TMEM132D: variants seen among roughly 807,000 people sequenced by gnomAD.
The protein encoded by TMEM132D is transmembrane protein 132D.
TMEM132D carries 21 observed loss-of-function variants against 62.3 expected under a neutral mutation model. The ratio of observed to expected loss-of-function variants is 0.34; its 90% CI spans 0.24 to 0.49. The LOEUF (loss-of-function observed/expected upper bound fraction) is 0.49. TMEM132D is among the 20% of genes least tolerant of loss of function. The pLI, the probability that TMEM132D is intolerant of heterozygous loss-of-function variation, is 0.99. For synonymous variants in TMEM132D, 621 were observed against 575.6 expected, an observed-to-expected ratio of 1.08 and a Z score of -1.13; for missense variants, 1,346 against 1,402.8, an observed-to-expected ratio of 0.96 and a Z score of 0.65.
intron 3 of TMEM132D, among the ~76,000 whole-genome samples, chr12:129,441,912 C>T (rs537192553): frequency 3.9e-5 from 6 of 152,114 alleles, no homozygotes; most frequent in Non-Finnish European, 7.4e-5. Context: ...TGCATGTTCT[C>T]GCTTATGAGA....
At chr12:129,839,786 T>G (rs950848230) in intron 1 of TMEM132D, 4 of 152,220 alleles carry the variant, frequency 2.6e-5, no homozygotes, top group Non-Finnish European at 5.9e-5. Context: ...ACAGAGGCGA[T>G]CCGGATCCAA....
At chr12:129,245,806 C>A (rs1880085959) in intron 4 of TMEM132D, among the ~76,000 whole-genome samples, 1 of 152,182 alleles carries the variant, frequency 6.6e-6, no homozygotes, top group African/African-American at 2.4e-5. Flanking sequence ...GAAAGCAGAT[C>A]TGCCTGCAGA....
Position 129,278,217 on chromosome 12 carries a change from G to A in TMEM132D, c.1299+59417C>T, listed in dbSNP as rs547022668. On this transcript the variant is annotated intron_variant, in intron 4 of 8. Transcript: ENST00000422113. ...AACGCAGCAGCCAAGTTCATATCGCGGTGATGGACTTCCTAGGTGCTGGGC... is the reference window on the plus strand; with the variant it reads ...AACGCAGCAGCCAAGTTCATATCGCAGTGATGGACTTCCTAGGTGCTGGGC... Among the ~76,000 whole-genome samples the A allele has an allele frequency of 5.9e-5, 9 of 152,254 alleles. No individual in the cohort carries two copies. The South Asian group carries it at 1.2e-3, about 21-fold the overall frequency.
At chr12:129,791,812 T>C (rs1871407210) in intron 1 of TMEM132D, among the ~76,000 whole-genome samples, 1 of 152,130 alleles carries the variant, frequency 6.6e-6, no homozygotes, top group African/African-American at 2.4e-5. Context: ...AAAATCAATT[T>C]GAAAAGCAAA....
In TMEM132D at chr12:129,490,596, A is replaced by ATTTTTTTTTTTTTTT. The variant is rs35535325; in HGVS notation, c.1115+40448_1115+40462dup. On this transcript the variant is annotated intron_variant, in intron 3 of 8. Coordinates refer to ENST00000422113, the MANE Select transcript of TMEM132D (RefSeq NM_133448.3). ...GGCGCCCGCCCACCACGCCCGGCTA[A>ATTTTTTTTTTTTTTT]TTTTTTTTTTTTTTTTTTTTTTTTT... 3.4e-4 allele frequency among the ~76,000 whole-genome samples: 24 copies of ATTTTTTTTTTTTTTT among 71,110 alleles called. 1 individual carries two copies. The highest frequency in any genetic ancestry group is 1.2e-3 in the African/African-American group (15 of 12,332). 46.7% of individuals were successfully genotyped at this position (71,110 alleles called of 152,430 possible). A position where few individuals can be genotyped will look rare whatever the true frequency, so the allele number is the denominator to read the frequency against.
In TMEM132D at chr12:129,085,952, T is replaced by C. The variant is rs1593254782; in HGVS notation, c.1444-1250A>G. 7 of 152,378 alleles carry C rather than the reference T, an allele frequency of 4.6e-5. 1 individual carries two copies. Among genetic ancestry groups the C allele is most frequent in the Admixed American group, 4.6e-4 (7 of 15,308 alleles). 9.4% of individuals were successfully genotyped at this position (152,378 alleles called of 1,614,324 possible). A position where few individuals can be genotyped will look rare whatever the true frequency, so the allele number is the denominator to read the frequency against. ...CTTCGGGAGAGTGTGGGAGACTAAA[T>C]AATAGCTCCGAAAGGTATCCACATC... On this transcript the variant is annotated intron_variant, in intron 5 of 8. Transcript: ENST00000422113.
At chr12:129,792,390 A>T (rs1871424909) in intron 1 of TMEM132D, among the ~76,000 whole-genome samples, 1 of 152,162 alleles carries the variant, frequency 6.6e-6, no homozygotes, top group African/African-American at 2.4e-5. Context: ...GTACCCGGTT[A>T]TTGCTGGAAT....
At chr12:129,677,591 T>C (rs12228039) in intron 2 of TMEM132D, among the ~76,000 whole-genome samples, 2,887 of 152,270 alleles carry the variant, frequency 0.019, 52 homozygotes, top group South Asian at 0.081. Flanking sequence ...ACATGTATTA[T>C]ATAAAAATAA....
chr12:129,814,314 T>G (rs911673387), intron 1 of TMEM132D, among the ~76,000 whole-genome samples: 3 of 152,110 alleles, frequency 2.0e-5, no homozygotes, highest in Non-Finnish European at 4.4e-5. Flanking sequence ...TCACCTCAAT[T>G]TTTTAAAAAC....
chr12:129,435,401 T>C (rs999620240), intron 3 of TMEM132D, among the ~76,000 whole-genome samples: 3 of 152,214 alleles, frequency 2.0e-5, no homozygotes, highest in African/African-American at 4.8e-5. Context: ...TACATACTAA[T>C]GTCCATAGCG....
intron 3 of TMEM132D, among the ~76,000 whole-genome samples, chr12:129,340,705 C>T (rs1389375877): frequency 6.6e-6 from 1 of 152,172 alleles, no homozygotes; most frequent in Non-Finnish European, 1.5e-5. Flanking sequence ...TCCAGTCTAT[C>T]ATTGTTGGAC....
chr12:129,845,001 G>A (rs1336900162), intron 1 of TMEM132D, among the ~76,000 whole-genome samples: 3 of 152,118 alleles, frequency 2.0e-5, no homozygotes, highest in Admixed American at 6.5e-5. Flanking sequence ...AGTGCAATGA[G>A]ATCCAACCAA....
At chr12:129,502,446 G>C (rs1875180684) in intron 3 of TMEM132D, among the ~76,000 whole-genome samples, 1 of 152,022 alleles carries the variant, frequency 6.6e-6, no homozygotes, top group Non-Finnish European at 1.5e-5. Flanking sequence ...GCACATGGCA[G>C]AAGCCCAGCG....
At chr12:129,547,441 A>G (rs867384171) in intron 2 of TMEM132D, among the ~76,000 whole-genome samples, 5 of 152,130 alleles carry the variant, frequency 3.3e-5, no homozygotes, top group Non-Finnish European at 5.9e-5. Context: ...CCTTGGGTTT[A>G]GGGCCCACCC....
chr12:129,644,453 C>G (rs954345635), intron 2 of TMEM132D, among the ~76,000 whole-genome samples: 1 of 152,066 alleles, frequency 6.6e-6, no homozygotes, highest in Admixed American at 6.5e-5. Flanking sequence ...ATCAGCCCCA[C>G]GAGGGCAATG....
At chr12:129,551,113 G>C (rs1017845368) in intron 2 of TMEM132D, among the ~76,000 whole-genome samples, 1 of 152,230 alleles carries the variant, frequency 6.6e-6, no homozygotes, top group Non-Finnish European at 1.5e-5. Flanking sequence ...TTTGGAGTGG[G>C]CCTTCACAGG....
intron 5 of TMEM132D, among the ~76,000 whole-genome samples, chr12:129,129,089 A>G (rs1282437393): frequency 6.6e-6 from 1 of 152,182 alleles, no homozygotes; most frequent in African/African-American, 2.4e-5. Context: ...CCCATCACTC[A>G]AGTACTGAGC....
At position 129,390,547 on chromosome 12, in the gene TMEM132D, AAAG is replaced by A. The variant is rs148079486; in HGVS notation, c.1116-52733_1116-52731del. Reference sequence around the variant, plus strand: ...CTCAACTTAAACTGGCTTCAACCATAAAGAAGAACTGAGTGCTTTGTGTTCCTG... The same window carrying A: ...CTCAACTTAAACTGGCTTCAACCATAAAGAACTGAGTGCTTTGTGTTCCTG... On this transcript the variant is annotated intron_variant, in intron 3 of 8. Transcript: ENST00000422113. 5.4e-3 allele frequency among the ~76,000 whole-genome samples: 821 copies of A among 152,312 alleles called. 9 individuals are homozygous for A. Among genetic ancestry groups the A allele is most frequent in the African/African-American group, 0.019 (786 of 41,566 alleles).
intron 2 of TMEM132D, among the ~76,000 whole-genome samples, chr12:129,608,443 C>T (rs1183757506): frequency 6.6e-6 from 1 of 152,102 alleles, no homozygotes; most frequent in Non-Finnish European, 1.5e-5. Flanking sequence ...AAAAGGGTAC[C>T]AAGGCTCTGA....
Sources: gnomAD v4.1 joint callset for allele counts (sites outside exome capture counted in the v4.1 genomes callset) on GRCh38, gnomAD v4.1.1 for gene constraint, MANE v1.5 for transcripts, NCBI Gene and HGNC (gene_info 2026-07-23, HGNC 2026-07-21) for gene names.